Variants in CAMK2G observed in about 807,000 individuals in gnomAD.
CAMK2G encodes calcium/calmodulin dependent protein kinase II gamma, also known as calcium/calmodulin-dependent protein kinase type II subunit gamma.
A neutral mutation model predicts 88.7 loss-of-function variants in CAMK2G; 23 were observed. That is an observed-to-expected ratio of 0.26 (90% confidence interval 0.19 to 0.37). The LOEUF (loss-of-function observed/expected upper bound fraction) is 0.37. CAMK2G is among the 10% of genes least tolerant of loss of function. The probability of loss-of-function intolerance (pLI) is 1.00; values close to 1 mark genes in which losing one functional copy is unlikely to be tolerated. For missense variants in CAMK2G, 476 were observed against 780.8 expected, an observed-to-expected ratio of 0.61 and a Z score of 4.65; for synonymous variants, 263 against 294.8, an observed-to-expected ratio of 0.89 and a Z score of 1.11.
At chr10:73,868,463 C>T (rs1351566105) in intron 2 of CAMK2G, among the ~76,000 whole-genome samples, 1 of 152,218 alleles carries the variant, frequency 6.6e-6, no homozygotes, top group African/African-American at 2.4e-5. Context: ...AGCCTTTGCA[C>T]AGAGGGACCT....
Position 73,839,361 on chromosome 10 carries a change from G to A in CAMK2G, c.1009+178C>T, listed in dbSNP as rs927347828. 1.3e-5 allele frequency among the ~76,000 whole-genome samples: 2 copies of A among 152,208 alleles called. No homozygotes were observed. The highest frequency in any genetic ancestry group is 3.9e-4 in the East Asian group (2 of 5,186). ...GCGCCCAGCATGCATGGCTGGTTAG[G>A]GGGCTCCATAACAACGATGCGCTTG... On this transcript the variant is annotated intron_variant, in intron 13 of 22. Coordinates refer to ENST00000423381, the MANE Select transcript of CAMK2G (RefSeq NM_001367534.1). This position sits in a 1 kb window ranked among gnomAD's most constrained non-coding sequence, Gnocchi z 4.2.
In CAMK2G at chr10:73,848,160, A is replaced by G. The variant is rs1590795108; in HGVS notation, c.602-78T>C. ...AACCAAGAAAAACCATGCAGGGCTC[A>G]GAGCCACCTAGAAAGGCAGGGGCCA... On this transcript the variant is annotated intron_variant, in intron 8 of 22. Coordinates refer to ENST00000423381, the MANE Select transcript of CAMK2G (RefSeq NM_001367534.1). This position sits in a 1 kb window ranked among gnomAD's most constrained non-coding sequence, Gnocchi z 4.5. 1 of 861,250 alleles carries G rather than the reference A, an allele frequency of 1.2e-6. No individual in the cohort carries two copies. Among genetic ancestry groups the G allele is most frequent in the Non-Finnish European group, 2.0e-6 (1 of 505,456 alleles). 53.4% of individuals were successfully genotyped at this position (861,250 alleles called of 1,614,324 possible).
At chr10:73,822,637 T>C (rs1277562086) in intron 17 of CAMK2G, among the ~76,000 whole-genome samples, 1 of 152,062 alleles carries the variant, frequency 6.6e-6, no homozygotes, top group African/African-American at 2.4e-5. Flanking sequence ...CTCATCACTC[T>C]CCTATGGTTC....
At chr10:73,871,271 A>T (rs2095820070) in intron 2 of CAMK2G, among the ~76,000 whole-genome samples, 2 of 152,192 alleles carry the variant, frequency 1.3e-5, no homozygotes, top group Non-Finnish European at 2.9e-5. Flanking sequence ...AGGAAGGGAA[A>T]GGGAGGCTAT....
chr10:73,833,350 A>G (rs571461039), intron 14 of CAMK2G, among the ~76,000 whole-genome samples: 4 of 152,118 alleles, frequency 2.6e-5, no homozygotes, highest in Non-Finnish European at 5.9e-5. Context: ...TCTTTAGGAA[A>G]AACTCTCAGA....
chr10:73,820,426 C>T (rs1311362534), intron 18 of CAMK2G, among the ~76,000 whole-genome samples: 2 of 146,802 alleles, frequency 1.4e-5, no homozygotes, highest in African/African-American at 5.1e-5. Context: ...GAGTGACCAA[C>T]TCATCCCAGT....
chr10:73,825,138 G>C, intron 16 of CAMK2G, 141 bp downstream of exon 16: 1 of 702,126 alleles, frequency 1.4e-6, no homozygotes, highest in South Asian at 1.6e-5. Flanking sequence ...GGGCATACAG[G>C]GCGGCACACA....
intron 15 of CAMK2G, among the ~76,000 whole-genome samples, chr10:73,827,109 A>T (rs958281558): frequency 6.6e-6 from 1 of 152,130 alleles, no homozygotes; most frequent in African/African-American, 2.4e-5. Flanking sequence ...TGAGGCCAAG[A>T]CCCTCACAGG....
At position 73,842,214 on chromosome 10, in the gene CAMK2G, G is replaced by T; in HGVS notation, c.904-3C>A. The T allele has an allele frequency of 6.2e-7, 1 of 1,610,418 alleles. No individual in the cohort carries two copies. Among genetic ancestry groups the T allele is most frequent in the Non-Finnish European group, 8.5e-7 (1 of 1,176,578 alleles). On this transcript the variant is annotated splice_region_variant and splice_polypyrimidine_tract_variant and intron_variant, in intron 11 of 22. Transcript: ENST00000423381. The surrounding 1 kb of genome is among the most constrained non-coding windows in gnomAD (Gnocchi z 4.6). ...AGCATGGTCGTGAGGATGGCACCCT[G>T]GGGAAAGAGGAAGGTCCTGTGAATT...
At chr10:73,820,688 T>TTTTTTTTTTTTTTTC in intron 18 of CAMK2G, among the ~76,000 whole-genome samples, 1 of 130,316 alleles carries the variant, frequency 7.7e-6, no homozygotes, top group Non-Finnish European at 1.6e-5. Context: ...TTTTTTTTTT[T>TTTTTTTTTTTTTTTC]TGAGAAGAAG....
intron 19 of CAMK2G, chr10:73,818,860 A>G (rs770432021): frequency 1.1e-5 from 5 of 455,860 alleles, no homozygotes; most frequent in Middle Eastern, 3.2e-4. Flanking sequence ...TGGGAGGAAA[A>G]GCAGCAGACA....
intron 15 of CAMK2G, among the ~76,000 whole-genome samples, chr10:73,826,413 A>T (rs2090963928): frequency 6.6e-6 from 1 of 152,228 alleles, no homozygotes; most frequent in Admixed American, 6.5e-5. Context: ...AGCCTGGGCA[A>T]CAGAGCAAGA....
At chr10:73,861,603 GC>G (rs201536641) in intron 2 of CAMK2G, among the ~76,000 whole-genome samples, 1,932 of 152,222 alleles carry the variant, frequency 0.013, 43 homozygotes, top group African/African-American at 0.043. Flanking sequence ...TGATCCACCC[GC>G]CTCGGCCTCC....
intron 5 of CAMK2G, among the ~76,000 whole-genome samples, chr10:73,850,059 G>C (rs1332623702): frequency 6.6e-6 from 1 of 152,146 alleles, no homozygotes; most frequent in Admixed American, 6.5e-5. Context: ...GCAATGTCGT[G>C]AACACAGCTC....
chr10:73,816,878 A>C (rs1304388681), intron 21 of CAMK2G, 145 bp downstream of exon 21: 1 of 1,606,398 alleles, frequency 6.2e-7, no homozygotes, highest in East Asian at 2.2e-5. Context: ...ATCGGGGCAC[A>C]AGGGGACAAG....
intron 15 of CAMK2G, among the ~76,000 whole-genome samples, chr10:73,826,334 G>A (rs1211457311): frequency 1.3e-5 from 2 of 152,184 alleles, no homozygotes. Flanking sequence ...TCGGGAGGCT[G>A]AGACAAGAGA....
chr10:73,848,390 C>A lies in CAMK2G; in HGVS notation c.601+136G>T. 1 of 700,906 alleles carries A rather than the reference C, an allele frequency of 1.4e-6. No individual in the cohort carries two copies. The highest frequency in any genetic ancestry group is 1.6e-5 in the South Asian group (1 of 63,104). 43.4% of individuals were successfully genotyped at this position (700,906 alleles called of 1,614,324 possible). ...GGAGGGTGTGATGGGAACAGCCATC[C>A]CAGGGGCAAACACCATAATTTCACA... is the stretch of plus-strand genomic sequence containing the variant. On this transcript the variant is annotated intron_variant, in intron 8 of 22. Transcript: ENST00000423381. The surrounding 1 kb of genome is among the most constrained non-coding windows in gnomAD (Gnocchi z 4.5).
intron 14 of CAMK2G, among the ~76,000 whole-genome samples, chr10:73,829,123 C>G (rs777868727): frequency 8.5e-5 from 13 of 152,198 alleles, no homozygotes; most frequent in South Asian, 2.1e-4. Flanking sequence ...CTCAAGCGGC[C>G]AGCATTCTTT....
intron 18 of CAMK2G, among the ~76,000 whole-genome samples, chr10:73,820,663 A>ATT (rs1198716305): frequency 8.7e-5 from 4 of 46,128 alleles, no homozygotes; most frequent in Non-Finnish European, 1.4e-4. Context: ...CACCCGGCTA[A>ATT]TTTTTTTTTT....
Sources: allele counts gnomAD v4.1 joint callset (sites outside exome capture counted in the v4.1 genomes callset), GRCh38; gene constraint gnomAD v4.1.1; non-coding constraint Gnocchi (gnomAD v3.1); transcripts MANE v1.5; gene names NCBI Gene and HGNC (gene_info 2026-07-23, HGNC 2026-07-21).